BTN3A1: variants seen among roughly 807,000 people sequenced by gnomAD.
BTN3A1 encodes dJ45P21.3 (butyrophilin, subfamily 3, member A1).
A neutral mutation model predicts 43.0 loss-of-function variants in BTN3A1; 24 were observed. The ratio of observed to expected loss-of-function variants is 0.56; its 90% CI spans 0.40 to 0.78. The LOEUF (loss-of-function observed/expected upper bound fraction) is 0.78, where lower values mean the gene tolerates loss of function less well. BTN3A1 is among the 30% of genes least tolerant of loss of function. The probability of loss-of-function intolerance (pLI) is 0.00; values close to 1 mark genes in which losing one functional copy is unlikely to be tolerated. For missense variants in BTN3A1, 533 were observed against 626.2 expected, an observed-to-expected ratio of 0.85 and a Z score of 1.59; for synonymous variants, 181 against 234.7, an observed-to-expected ratio of 0.77 and a Z score of 2.09.
At position 26,411,757 on chromosome 6, in the gene BTN3A1, T is replaced by C. The variant is rs1012971757; in HGVS notation, c.1018+176T>C. 2.8e-5 allele frequency: 21 copies of C among 745,986 alleles called. No individual in the cohort carries two copies. The African/African-American group carries it at 3.8e-4, about 13-fold the overall frequency. The allele number at this position is 745,986 out of a possible 1,614,324, so 46.2% of individuals were successfully genotyped here. A position where few individuals can be genotyped will look rare whatever the true frequency, so the allele number is the denominator to read the frequency against. On this transcript the variant is annotated intron_variant, in intron 9 of 9. Transcript: ENST00000289361. ...AAGTGGGCCCATCTCCAAGACCCTT[T>C]CTGCTGAGAGCCCAGGGAACCAGGG...
rs1762143480 is a variant in BTN3A1 at position 26,409,709 on chromosome 6, A to G, written c.892A>G (p.Met298Val). The change falls in exon 5 of 10, where the codon ATG (methionine) becomes GTG (valine). Residue 298 changes from methionine (M) to valine (V), a missense_variant. Physicochemically the swap from Met to Val is conservative, Grantham distance 21. Transcript: ENST00000289361. The part of the protein sequence containing the change: ...QELREMAWST[M>V]KQEQSTRVKL... ...GTTGAGAGAAATGGCATGGAGCACAATGAAGCAAGAACAAAGCACAAGAGG... is the reference window on the plus strand; with the variant it reads ...GTTGAGAGAAATGGCATGGAGCACAGTGAAGCAAGAACAAAGCACAAGAGG... 6.3e-7 allele frequency: 1 copy of G among 1,577,938 alleles called. No individual in the cohort carries two copies. Among genetic ancestry groups the G allele is most frequent in the Middle Eastern group, 1.7e-4 (1 of 5,808 alleles).
intron 9 of BTN3A1, 70 bp downstream of exon 9, chr6:26,411,651 C>A (rs1762224654): frequency 7.8e-6 from 12 of 1,542,770 alleles, no homozygotes. Context: ...CTTTTTACTT[C>A]TCCAACTGTT....
At chr6:26,410,188 A>AAGG (rs1387864490) in intron 7 of BTN3A1, among the ~76,000 whole-genome samples, 156 bp downstream of exon 7, 12 of 145,888 alleles carry the variant, frequency 8.2e-5, no homozygotes, top group Admixed American at 4.1e-4. Flanking sequence ...TCATTGCCAA[A>AAGG]AAGAAAAAAA....
intron 4 of BTN3A1, among the ~76,000 whole-genome samples, chr6:26,408,742 G>A (rs1762104617): frequency 6.6e-6 from 1 of 152,140 alleles, no homozygotes; most frequent in South Asian, 2.1e-4. Context: ...TTCACTGCTG[G>A]AGAACTTTCA....
chr6:26,409,768 C>T (rs1228245070), intron 5 of BTN3A1, 35 bp downstream of exon 5: 6 of 1,581,908 alleles, frequency 3.8e-6, no homozygotes, highest in Non-Finnish European at 5.1e-6. Flanking sequence ...GAGCCCCTGG[C>T]TTACGGGCCA....
Position 26,414,928 on chromosome 6 carries a change from C to A in BTN3A1, c.*1236C>A, listed in dbSNP as rs1762336686. 6.6e-6 allele frequency: 1 copy of A among 152,152 alleles called. No individual in the cohort carries two copies. The highest frequency in any genetic ancestry group is 2.1e-4 in the South Asian group (1 of 4,818). 9.4% of individuals were successfully genotyped at this position (152,152 alleles called of 1,614,324 possible). A position where few individuals can be genotyped will look rare whatever the true frequency, so the allele number is the denominator to read the frequency against. The stretch of plus-strand genomic sequence containing the variant: ...CTCGATCTCTTGACCTCATGATCCA[C>A]CCACCTCGGTCTCCCAAAGTGCTGG... On this transcript the variant is annotated 3_prime_UTR_variant, in exon 10 of 10. Transcript: ENST00000289361.
intron 2 of BTN3A1, 117 bp from the exon 3 acceptor site, chr6:26,405,792 A>G (rs1222155254): frequency 1.3e-6 from 2 of 1,590,350 alleles, no homozygotes; most frequent in Non-Finnish European, 1.7e-6. Context: ...GCTTCTGTTA[A>G]GATCAGTTTC....
intron 9 of BTN3A1, 159 bp downstream of exon 9, chr6:26,411,740 C>T: frequency 3.4e-6 from 3 of 890,844 alleles, no homozygotes. Context: ...AAAAGTGGGC[C>T]CATCTCCAAG....
At chr6:26,408,014 G>T in intron 4 of BTN3A1, 62 bp downstream of exon 4, 1 of 1,592,826 alleles carries the variant, frequency 6.3e-7, no homozygotes, top group Non-Finnish European at 8.6e-7. Flanking sequence ...TGAAGGGGGA[G>T]GTGTTAGTGT....
chr6:26,409,570 C>G lies in BTN3A1; in HGVS notation c.753C>G (p.Ala251=), dbSNP rs1176605827. The G allele has an allele frequency of 1.2e-6, 2 of 1,614,000 alleles. No individual in the cohort carries two copies. The highest frequency in any genetic ancestry group is 1.7e-5 in the Admixed American group (1 of 59,998). Residue 251 remains alanine, a synonymous_variant, in exon 5 of 10, where the codon GCC becomes GCG. Coordinates refer to ENST00000289361, the MANE Select transcript of BTN3A1 (RefSeq NM_007048.6). ...FFRSAQRWIA[A]LAGTLPVLLL... ...GGAGCGCCCAGAGGTGGATCGCCGCCCTGGCAGGGACCCTGCCTGTCTTGC... is the reference window on the plus strand; with the variant it reads ...GGAGCGCCCAGAGGTGGATCGCCGCGCTGGCAGGGACCCTGCCTGTCTTGC...
In BTN3A1 at chr6:26,413,754, A is replaced by G. The variant is rs998900875; in HGVS notation, c.*62A>G. ...CTGATCATTCCCTAGAGACACCAGTAACCCCGGGCTTAGCTAACGAAAGTG... is the reference window on the plus strand; with the variant it reads ...CTGATCATTCCCTAGAGACACCAGTGACCCCGGGCTTAGCTAACGAAAGTG... On this transcript the variant is annotated 3_prime_UTR_variant, in exon 10 of 10. Transcript: ENST00000289361. The G allele has an allele frequency of 1.4e-5, 22 of 1,605,526 alleles. No homozygotes were observed. The highest frequency in any genetic ancestry group is 1.9e-5 in the Non-Finnish European group (22 of 1,179,874).
At chr6:26,405,726 C>T (rs1384136311) in intron 2 of BTN3A1, 78 bp downstream of exon 2, 1 of 1,588,978 alleles carries the variant, frequency 6.3e-7, no homozygotes, top group African/African-American at 1.3e-5. Context: ...GACTCCTTCC[C>T]AAACCTGAAG....
At chr6:26,410,167 C>A in intron 7 of BTN3A1, 135 bp downstream of exon 7, 1 of 1,093,786 alleles carries the variant, frequency 9.1e-7, no homozygotes. Context: ...AATAGATGTG[C>A]CAATTCCTAG....
Position 26,409,544 on chromosome 6 carries a change from A to G in BTN3A1, c.727A>G (p.Arg243Gly), listed in dbSNP as rs1349423521. 2.5e-6 allele frequency: 4 copies of G among 1,613,422 alleles called. No individual in the cohort carries two copies. Among genetic ancestry groups the G allele is most frequent in the African/African-American group, 2.7e-5 (2 of 74,770 alleles). ...CGTTGCCTTCACAGACCCCTTCTTC[A>G]GGAGCGCCCAGAGGTGGATCGCCGC... ...ASISIADPFF[R>G]SAQRWIAALA... Residue 243 changes from arginine to glycine, a missense_variant, in exon 5 of 10, where the codon AGG (arginine) becomes GGG (glycine). By Grantham distance (125) the Arg-to-Gly change is moderately radical. Coordinates refer to ENST00000289361, the MANE Select transcript of BTN3A1 (RefSeq NM_007048.6).
rs150905778 is a variant in BTN3A1 at position 26,406,092 on chromosome 6, G to A, written c.269G>A (p.Ser90Asn). The change falls in exon 3 of 10, where the codon AGT becomes AAT. Residue 90 changes from serine to asparagine, a missense_variant. By Grantham distance (46) the Ser-to-Asn change is conservative. Around this residue, in one of 4 missense-constraint regions of BTN3A1, gnomAD observed 51 missense variants for 90.9 expected, o/e 0.56. Coordinates refer to ENST00000289361, the MANE Select transcript of BTN3A1 (RefSeq NM_007048.6). Reference sequence around the variant, plus strand: ...GGAAAGGAAGTGGAAGACAGGCAGAGTGCACCGTATCGAGGGAGAACTTCG... The same window carrying A: ...GGAAAGGAAGTGGAAGACAGGCAGAATGCACCGTATCGAGGGAGAACTTCG... ...ADGKEVEDRQSAPYRGRTSIL... is the reference protein window; with the variant it reads ...ADGKEVEDRQNAPYRGRTSIL... The A allele has an allele frequency of 9.4e-5, 151 of 1,601,030 alleles. 1 individual carries two copies. The highest frequency in any genetic ancestry group is 7.6e-4 in the Admixed American group (45 of 59,320).
chr6:26,414,693 T>A lies in BTN3A1; in HGVS notation c.*1001T>A, dbSNP rs931862162. On this transcript the variant is annotated 3_prime_UTR_variant, in exon 10 of 10. Transcript: ENST00000289361. ...GGGAGCTAGAAGAAATACAGGGATT[T>A]TTTTTTTTTTTTAAGATGGAGTCTT... is the stretch of plus-strand genomic sequence containing the variant. The A allele has an allele frequency of 6.6e-6, 1 of 151,330 alleles. No individual in the cohort carries two copies. The highest frequency in any genetic ancestry group is 1.5e-5 in the Non-Finnish European group (1 of 67,876). The allele number at this position is 151,330 out of a possible 1,614,324, so 9.4% of individuals were successfully genotyped here. A position where few individuals can be genotyped will look rare whatever the true frequency, so the allele number is the denominator to read the frequency against.
intron 3 of BTN3A1, 39 bp from the exon 4 acceptor site, chr6:26,407,632 A>G: frequency 6.2e-7 from 1 of 1,601,884 alleles, no homozygotes; most frequent in South Asian, 1.1e-5. Context: ...TCTCTGATAC[A>G]GGCCTCTCAA....
chr6:26,406,281 G>C (rs1762018024), intron 3 of BTN3A1, 25 bp downstream of exon 3: 1 of 916,012 alleles, frequency 1.1e-6, no homozygotes, highest in African/African-American at 1.9e-5. Context: ...TTTGTTCTGA[G>C]AACATTTCTC....
chr6:26,413,749 C>T lies in BTN3A1; in HGVS notation c.*57C>T. ...GAGTGCTGATCATTCCCTAGAGACA[C>T]CAGTAACCCCGGGCTTAGCTAACGA... On this transcript the variant is annotated 3_prime_UTR_variant, in exon 10 of 10. Transcript: ENST00000289361. 6.2e-7 allele frequency: 1 copy of T among 1,605,904 alleles called. No homozygotes were observed. Among genetic ancestry groups the T allele is most frequent in the Non-Finnish European group, 8.5e-7 (1 of 1,179,848 alleles).
Sources: gnomAD v4.1 joint callset for allele counts (sites outside exome capture counted in the v4.1 genomes callset) on GRCh38, gnomAD v4.1.1 for gene constraint, gnomAD v4.1.1 regional missense constraint, MANE v1.5 for transcripts, NCBI Gene and HGNC (gene_info 2026-07-23, HGNC 2026-07-21) for gene names.